The following PVR variants were observed in gnomAD, a reference collection of about 807,000 sequenced individuals.
PVR encodes the protein PVR cell adhesion molecule, also known as poliovirus receptor.
Under a neutral mutation model 43.3 loss-of-function variants are expected in PVR, and 39 were observed. That is an observed-to-expected ratio of 0.90 (90% confidence interval 0.70 to 1.18). The LOEUF is 1.18. Among genes scored for constraint, PVR ranks in the 50% most tolerant of loss-of-function variants. PVR has a pLI of 0.00. For synonymous variants in PVR, 224 were observed against 233.2 expected (o/e 0.96, Z 0.36); for missense variants, 480 against 549.7 (o/e 0.87, Z 1.27).
At position 44,644,110 on chromosome 19, in the gene PVR, T is replaced by C; in HGVS notation, c.14T>C (p.Met5Thr). MARA[M>T]AAAWPLLLVA... is the part of the protein sequence containing the mutation. ...GGAGCAACTGGCATGGCCCGAGCCA[T>C]GGCCGCCGCGTGGCCGCTGCTGCTG... is the stretch of plus-strand genomic sequence containing the variant. The change falls in exon 1 of 8, where the codon ATG becomes ACG. Residue 5 changes from methionine to threonine, a missense_variant. Met to Thr is a moderately conservative substitution (Grantham distance 81). Coordinates refer to ENST00000425690, the MANE Select transcript of PVR (RefSeq NM_006505.5). 1 of 1,518,482 alleles carries C rather than the reference T, an allele frequency of 6.6e-7. No individual in the cohort carries two copies. Among genetic ancestry groups the C allele is most frequent in the South Asian group, 1.2e-5 (1 of 82,244 alleles). 94.1% of individuals were successfully genotyped at this position (1,518,482 alleles called of 1,614,324 possible).
At chr19:44,644,225 G>C (rs762327081) in intron 1 of PVR, 50 bp downstream of exon 1, 6 of 1,399,268 alleles carry the variant, frequency 4.3e-6, no homozygotes, top group Non-Finnish European at 5.6e-6. Flanking sequence ...TCCCAGCTCC[G>C]CATCCAGGCC....
In PVR at chr19:44,657,871, C is replaced by A; in HGVS notation, c.952C>A (p.Leu318Ile). Residue 318 changes from leucine to isoleucine, a missense_variant, in exon 5 of 8, where the codon CTA (leucine) becomes ATA (isoleucine). Leu to Ile is a conservative substitution (Grantham distance 5, BLOSUM62 2). Coordinates refer to ENST00000425690, the MANE Select transcript of PVR (RefSeq NM_006505.5). ...TTLICNVTNA[L>I]GARQAELTVQ... is the part of the protein sequence containing the mutation. ...TTTAATCTGCAACGTCACCAATGCC[C>A]TAGGAGCTCGCCAGGCAGAACTGAC... 1 of 1,613,920 alleles carries A rather than the reference C, an allele frequency of 6.2e-7. No individual in the cohort carries two copies. Among genetic ancestry groups the A allele is most frequent in the Non-Finnish European group, 8.5e-7 (1 of 1,179,922 alleles).
At chr19:44,658,046 CCT>C in intron 5 of PVR, 136 bp downstream of exon 5, 2 of 849,204 alleles carry the variant, frequency 2.4e-6, no homozygotes, top group East Asian at 2.7e-5. Context: ...GCTTTACTCC[CCT>C]GTTAACTCCA....
chr19:44,660,217 C>T (rs944175490), intron 6 of PVR, among the ~76,000 whole-genome samples: 1 of 152,142 alleles, frequency 6.6e-6, no homozygotes, highest in East Asian at 1.9e-4. Flanking sequence ...AAGAGGCACT[C>T]GAGGAAGTGT....
chr19:44,661,260 C>T, intron 6 of PVR, 32 bp from the exon 7 acceptor site: 1 of 1,604,344 alleles, frequency 6.2e-7, no homozygotes, highest in East Asian at 2.2e-5. Flanking sequence ...AGCATTATTC[C>T]TTCCTGACGA....
intron 4 of PVR, 71 bp from the exon 5 acceptor site, chr19:44,657,691 A>G: frequency 2.6e-6 from 4 of 1,524,714 alleles, no homozygotes; most frequent in Non-Finnish European, 3.6e-6. Flanking sequence ...CTGGGCACGT[A>G]GTGCGTGCTC....
At chr19:44,658,607 A>G in intron 5 of PVR, 135 bp from the exon 6 acceptor site, 1 of 744,964 alleles carries the variant, frequency 1.3e-6, no homozygotes, top group South Asian at 1.8e-5. Flanking sequence ...AGAGGGTGGG[A>G]TCCATTCCAC....
intron 2 of PVR, among the ~76,000 whole-genome samples, chr19:44,648,534 G>A (rs1448230808): frequency 6.6e-6 from 1 of 151,572 alleles, no homozygotes; most frequent in Non-Finnish European, 1.5e-5. Flanking sequence ...AGGCTGGAGT[G>A]CAGTGGTGTG....
At chr19:44,659,009 C>T in intron 6 of PVR, 109 bp downstream of exon 6, 1 of 1,037,706 alleles carries the variant, frequency 9.6e-7, no homozygotes, top group Non-Finnish European at 1.4e-6. Flanking sequence ...GAGGTTTCCC[C>T]CATTTGACTG....
chr19:44,645,459 T>G (rs1973090291), intron 1 of PVR, among the ~76,000 whole-genome samples: 1 of 111,628 alleles, frequency 9.0e-6, no homozygotes, highest in Non-Finnish European at 1.7e-5. Context: ...CGTGTGTGCG[T>G]GTATGTGTGT....
intron 5 of PVR, 98 bp downstream of exon 5, chr19:44,658,008 C>A: frequency 7.5e-7 from 1 of 1,334,204 alleles, no homozygotes; most frequent in Non-Finnish European, 1.0e-6. Flanking sequence ...TTCTCCTAAG[C>A]CTTCTCACAA....
Position 44,664,084 on chromosome 19 carries a change from T to G in PVR, c.*2273T>G, listed in dbSNP as rs1477919900. ...TGTGAATGTAATGAATGCCACTGAATCATACACTCAAAAATAGCTAAAATG... is the reference window on the plus strand; with the variant it reads ...TGTGAATGTAATGAATGCCACTGAAGCATACACTCAAAAATAGCTAAAATG... On this transcript the variant is annotated 3_prime_UTR_variant, in exon 8 of 8. Transcript: ENST00000425690. 2 of 152,200 alleles carry G rather than the reference T, an allele frequency of 1.3e-5. No individual in the cohort carries two copies. Among genetic ancestry groups the G allele is most frequent in the African/African-American group, 4.8e-5 (2 of 41,456 alleles). The allele number at this position is 152,200 out of a possible 1,614,324, so 9.4% of individuals were successfully genotyped here. A position where few individuals can be genotyped will look rare whatever the true frequency, so the allele number is the denominator to read the frequency against.
intron 4 of PVR, among the ~76,000 whole-genome samples, chr19:44,656,342 A>G (rs545960097): frequency 6.6e-6 from 1 of 152,324 alleles, no homozygotes; most frequent in African/African-American, 2.4e-5. Flanking sequence ...ATTGCCGGTC[A>G]AAGGTTTTCA....
intron 2 of PVR, 60 bp downstream of exon 2, chr19:44,647,630 G>A (rs1973166047): frequency 7.0e-7 from 1 of 1,434,040 alleles, no homozygotes; most frequent in Non-Finnish European, 9.4e-7. Flanking sequence ...GAGGATCAGG[G>A]AAGTTGGCAA....
At chr19:44,654,479 G>A (rs1973383540) in intron 4 of PVR, among the ~76,000 whole-genome samples, 1 of 152,236 alleles carries the variant, frequency 6.6e-6, no homozygotes, top group Non-Finnish European at 1.5e-5. Context: ...GCAGGTGGTT[G>A]AATCCTGGCT....
intron 3 of PVR, among the ~76,000 whole-genome samples, chr19:44,650,922 G>A (rs1356426801): frequency 6.6e-6 from 1 of 152,076 alleles, no homozygotes; most frequent in African/African-American, 2.4e-5. Flanking sequence ...CCAGGCTGGA[G>A]TGTAGGGGCA....
chr19:44,650,055 A>T lies in PVR; in HGVS notation c.674A>T (p.His225Leu), dbSNP rs1372486048. The change falls in exon 3 of 8, where the codon CAC becomes CTC. Residue 225 changes from histidine to leucine, a missense_variant. His to Leu is a moderately conservative substitution (Grantham distance 99). Transcript: ENST00000425690. ...DGKNVTCKVE[H>L]ESFEKPQLLT... ...AAGAATGTGACCTGCAAGGTGGAGC[A>T]CGAGAGCTTTGAGAAGCCTCAGCTG... 6.4e-7 allele frequency: 1 copy of T among 1,561,790 alleles called. No homozygotes were observed. The highest frequency in any genetic ancestry group is 1.4e-5 in the African/African-American group (1 of 73,466).
chr19:44,653,875 G>T, intron 3 of PVR, 25 bp from the exon 4 acceptor site: 1 of 1,540,950 alleles, frequency 6.5e-7, no homozygotes, highest in South Asian at 1.1e-5. Flanking sequence ...CCCAGTCTCT[G>T]AACCTCTGTA....
rs754980749 is a variant in PVR at position 44,647,215 on chromosome 19, C to T, written c.80-8C>T. On this transcript the variant is annotated splice_polypyrimidine_tract_variant and splice_region_variant and intron_variant, in intron 1 of 7. Transcript: ENST00000425690. Reference sequence around the variant, plus strand: ...CGGGTCTGACACCTTCTCTTCGGTTCTCCGCAGGGGACGTCGTCGTGCAGG... The same window carrying T: ...CGGGTCTGACACCTTCTCTTCGGTTTTCCGCAGGGGACGTCGTCGTGCAGG... 73 of 1,524,742 alleles carry T rather than the reference C, an allele frequency of 4.8e-5. No individual in the cohort carries two copies. The highest frequency in any genetic ancestry group is 5.7e-5 in the Non-Finnish European group (64 of 1,130,622). The allele number at this position is 1,524,742 out of a possible 1,614,324, so 94.5% of individuals were successfully genotyped here.
Sources: gnomAD v4.1 joint callset for allele counts (sites outside exome capture counted in the v4.1 genomes callset) on GRCh38, gnomAD v4.1.1 for gene constraint, MANE v1.5 for transcripts, NCBI Gene and HGNC (gene_info 2026-07-23, HGNC 2026-07-21) for gene names.